Variants in STXBP5 observed in about 807,000 individuals in gnomAD.
The protein encoded by STXBP5 is syntaxin binding protein 5.
Under a neutral mutation model 152.4 loss-of-function variants are expected in STXBP5, and 50 were observed. The ratio of observed to expected loss-of-function variants is 0.33; its 90% CI spans 0.26 to 0.42. STXBP5 has a LOEUF of 0.42. STXBP5 is among the 10% of genes least tolerant of loss of function. The pLI, the probability that STXBP5 is intolerant of heterozygous loss-of-function variation, is 1.00. For synonymous variants in STXBP5, 492 were observed against 494.7 expected (o/e 0.99, Z 0.07); for missense variants, 1,167 against 1,388.6 (o/e 0.84, Z 2.54).
intron 25 of STXBP5, among the ~76,000 whole-genome samples, chr6:147,371,644 A>G (rs971027409): frequency 3.3e-5 from 5 of 152,180 alleles, no homozygotes; most frequent in Non-Finnish European, 5.9e-5. Context: ...ATCCAGGTCC[A>G]TCTGGTTCCA....
chr6:147,289,776 C>T (rs927753946), intron 8 of STXBP5, among the ~76,000 whole-genome samples: 7 of 151,788 alleles, frequency 4.6e-5, no homozygotes, highest in East Asian at 1.9e-4. Flanking sequence ...TGGCAAAATA[C>T]GGTCTTACGC....
At chr6:147,355,666 T>A (rs1014077552) in intron 22 of STXBP5, among the ~76,000 whole-genome samples, 10 of 152,166 alleles carry the variant, frequency 6.6e-5, no homozygotes, top group Non-Finnish European at 4.4e-5. Context: ...AGCAAGTCAC[T>A]TAATCTCTCT....
intron 7 of STXBP5, among the ~76,000 whole-genome samples, chr6:147,268,054 A>C (rs1414024594): frequency 6.6e-6 from 1 of 152,116 alleles, no homozygotes; most frequent in East Asian, 1.9e-4. Context: ...TTTAGTATTC[A>C]TCTTAAGGGG....
At chr6:147,302,365 G>A (rs1781865376) in intron 9 of STXBP5, among the ~76,000 whole-genome samples, 1 of 152,118 alleles carries the variant, frequency 6.6e-6, no homozygotes, top group Non-Finnish European at 1.5e-5. Context: ...ACGCTCTGAG[G>A]CTAAGATAGT....
chr6:147,210,963 A>T (rs1435780259), intron 2 of STXBP5, among the ~76,000 whole-genome samples: 2 of 152,114 alleles, frequency 1.3e-5, no homozygotes, highest in Non-Finnish European at 2.9e-5. Flanking sequence ...GCTAATACAA[A>T]CTTTGAGGAA....
At chr6:147,343,738 G>GA (rs749765789) in intron 21 of STXBP5, among the ~76,000 whole-genome samples, 1 of 152,108 alleles carries the variant, frequency 6.6e-6, no homozygotes, top group South Asian at 2.1e-4. Flanking sequence ...CCATATGAAT[G>GA]AAAAAGTGTA....
intron 9 of STXBP5, among the ~76,000 whole-genome samples, chr6:147,303,503 C>T (rs1250818331): frequency 1.3e-5 from 2 of 152,100 alleles, no homozygotes; most frequent in Admixed American, 6.5e-5. Flanking sequence ...TTATTAGCAG[C>T]AGGAGAACTA....
At chr6:147,383,104 A>T in intron 27 of STXBP5, 106 bp downstream of exon 27, 1 of 1,316,330 alleles carries the variant, frequency 7.6e-7, no homozygotes, top group Non-Finnish European at 1.0e-6. Flanking sequence ...GAATTTGCAT[A>T]TATTCATTGT....
chr6:147,212,718 ACATT>A (rs551869935), intron 2 of STXBP5, among the ~76,000 whole-genome samples: 193 of 152,298 alleles, frequency 1.3e-3, no homozygotes, highest in African/African-American at 4.4e-3. Context: ...TCCATTGACT[ACATT>A]CATAATCCAA....
chr6:147,314,738 G>A, intron 14 of STXBP5, 102 bp downstream of exon 14: 1 of 837,386 alleles, frequency 1.2e-6, no homozygotes, highest in Non-Finnish European at 1.7e-6. Flanking sequence ...AATTTGAAAT[G>A]TAGAGGTTAT....
intron 9 of STXBP5, among the ~76,000 whole-genome samples, chr6:147,309,731 TTC>T (rs1268527606): frequency 6.6e-5 from 10 of 152,238 alleles, no homozygotes; most frequent in South Asian, 2.1e-4. Context: ...CTGTGGGAGC[TTC>T]TATTGAGAAG....
At chr6:147,359,035 A>G (rs1171224464) in intron 22 of STXBP5, 49 bp from the exon 23 acceptor site, 1 of 1,580,672 alleles carries the variant, frequency 6.3e-7, no homozygotes, top group Admixed American at 1.8e-5. Flanking sequence ...CAACACAAAT[A>G]ACTTCTTTTA....
intron 2 of STXBP5, among the ~76,000 whole-genome samples, chr6:147,232,849 T>C (rs59594826): frequency 0.025 from 3,744 of 151,952 alleles, 113 homozygotes; most frequent in African/African-American, 0.082. Flanking sequence ...AGTAGTGTCA[T>C]ACATAGCCCA....
chr6:147,337,339 G>A (rs1783881997), intron 19 of STXBP5, among the ~76,000 whole-genome samples: 1 of 151,792 alleles, frequency 6.6e-6, no homozygotes, highest in South Asian at 2.1e-4. Context: ...ATGAAATCAT[G>A]AAAAAACAAT....
At chr6:147,263,461 G>C (rs978609376) in intron 6 of STXBP5, among the ~76,000 whole-genome samples, 1 of 150,698 alleles carries the variant, frequency 6.6e-6, no homozygotes, top group Non-Finnish European at 1.5e-5. Flanking sequence ...CAAACTGCTG[G>C]GATTATAAGC....
At chr6:147,323,562 T>C (rs1783051223) in intron 16 of STXBP5, among the ~76,000 whole-genome samples, 1 of 152,028 alleles carries the variant, frequency 6.6e-6, no homozygotes, top group South Asian at 2.1e-4. Context: ...CGGGTAATTT[T>C]TGTATGTTTA....
chr6:147,314,554 CTG>C (rs1400911117), intron 13 of STXBP5, 40 bp from the exon 14 acceptor site: 1 of 1,591,896 alleles, frequency 6.3e-7, no homozygotes, highest in Non-Finnish European at 8.6e-7. Flanking sequence ...GAAGGAAGAA[CTG>C]TAATTTTATT....
At chr6:147,368,765 T>G (rs190408645) in intron 25 of STXBP5, among the ~76,000 whole-genome samples, 155 of 152,142 alleles carry the variant, frequency 1.0e-3, no homozygotes, top group Admixed American at 1.7e-3. Flanking sequence ...GATTATGAGA[T>G]AAATATACAA....
chr6:147,329,617 C>T (rs1379269748), intron 18 of STXBP5, among the ~76,000 whole-genome samples: 83 of 71,694 alleles, frequency 1.2e-3, no homozygotes, highest in East Asian at 2.0e-3. Context: ...GTTCTTCAGG[C>T]TTTTTTTTTT....
Sources: gnomAD v4.1 joint callset for allele counts (sites outside exome capture counted in the v4.1 genomes callset) on GRCh38, gnomAD v4.1.1 for gene constraint, MANE v1.5 for transcripts, NCBI Gene and HGNC (gene_info 2026-07-23, HGNC 2026-07-21) for gene names.